The following GRAMD1B variants were observed in gnomAD, a reference collection of about 807,000 sequenced individuals.
The protein encoded by GRAMD1B is GRAM domain containing 1B, also known as protein Aster-B.
A neutral mutation model predicts 99.7 loss-of-function variants in GRAMD1B; 37 were observed. The observed-to-expected ratio is 0.37, with a 90% CI of 0.29 to 0.49. GRAMD1B has a LOEUF of 0.49. Among genes scored for constraint, GRAMD1B ranks in the 20% least tolerant of loss-of-function variants. The probability of loss-of-function intolerance (pLI) is 0.98; values close to 1 mark genes in which losing one functional copy is unlikely to be tolerated. For missense variants in GRAMD1B, 888 were observed against 1,009.2 expected, an observed-to-expected ratio of 0.88 and a Z score of 1.63; for synonymous variants, 427 against 387.6, an observed-to-expected ratio of 1.10 and a Z score of -1.19.
Position 123,542,757 on chromosome 11 carries a change from ATTC to A in GRAMD1B, c.453-34605_453-34603del, listed in dbSNP as rs201046766. 1.0e-2 allele frequency among the ~76,000 whole-genome samples: 1,521 copies of A among 152,218 alleles called. 29 individuals are homozygous for A. The highest frequency in any genetic ancestry group is 0.049 in the East Asian group (252 of 5,170). ...AACCTCCGCCTCCTGGGTTCAAGCA[ATTC>A]TTCTGCTTCAGCCTCCCGAGTAGCT... On this transcript the variant is annotated intron_variant, in intron 2 of 19. Coordinates refer to ENST00000635736, the MANE Select transcript of GRAMD1B (RefSeq NM_001387025.1).
At chr11:123,472,075 C>T (rs1951041765) in intron 1 of GRAMD1B, among the ~76,000 whole-genome samples, 1 of 151,952 alleles carries the variant, frequency 6.6e-6, no homozygotes, top group South Asian at 2.1e-4. Flanking sequence ...CAAGACAAGC[C>T]TGGCCAACAT....
Position 123,497,855 on chromosome 11 carries a change from T to C in GRAMD1B, c.452+16962T>C, listed in dbSNP as rs187288342. Among the ~76,000 whole-genome samples the C allele has an allele frequency of 3.0e-3, 451 of 148,692 alleles. 2 individuals are homozygous for C. Among genetic ancestry groups the C allele is most frequent in the African/African-American group, 0.011 (438 of 40,004 alleles). The stretch of plus-strand genomic sequence containing the variant: ...GGCAGAGGTTGCAGTGAGCCAAGAT[T>C]TCGCCACCACTCCCCAGCCTGGGCG... On this transcript the variant is annotated intron_variant, in intron 2 of 19. Coordinates refer to ENST00000635736, the MANE Select transcript of GRAMD1B (RefSeq NM_001387025.1).
At chr11:123,469,447 C>G (rs995706032) in intron 1 of GRAMD1B, among the ~76,000 whole-genome samples, 1 of 151,928 alleles carries the variant, frequency 6.6e-6, no homozygotes, top group African/African-American at 2.4e-5. Context: ...GAATGGAAGG[C>G]GGATGGATTC....
chr11:123,399,702 C>T (rs190052646), intron 1 of GRAMD1B, among the ~76,000 whole-genome samples: 39 of 152,210 alleles, frequency 2.6e-4, no homozygotes, highest in Admixed American at 1.6e-3. Context: ...CTCCGTCTCC[C>T]GAGTTCAAGC....
chr11:123,525,938 G>A (rs1190193857), intron 2 of GRAMD1B: 11 of 587,806 alleles, frequency 1.9e-5, no homozygotes, highest in Non-Finnish European at 3.4e-5. Context: ...TCCAAGCCCA[G>A]CTTTCAGCTG....
chr11:123,364,344 A>G (rs1946246901), intron 1 of GRAMD1B, among the ~76,000 whole-genome samples: 2 of 152,232 alleles, frequency 1.3e-5, no homozygotes, highest in South Asian at 2.1e-4. Flanking sequence ...TGCAGTGACT[A>G]TAAAAAGGTA....
chr11:123,380,539 C>T (rs1946836156), intron 1 of GRAMD1B, among the ~76,000 whole-genome samples: 2 of 152,158 alleles, frequency 1.3e-5, no homozygotes, highest in Non-Finnish European at 2.9e-5. Flanking sequence ...TTTATTATGA[C>T]TTTCATTAAG....
At chr11:123,402,591 C>T (rs1281306826) in intron 1 of GRAMD1B, among the ~76,000 whole-genome samples, 2 of 152,178 alleles carry the variant, frequency 1.3e-5, no homozygotes, top group Non-Finnish European at 2.9e-5. Flanking sequence ...CCCAGCATCA[C>T]AGTAAGTGAC....
chr11:123,381,019 AT>A (rs1420758775), intron 1 of GRAMD1B, among the ~76,000 whole-genome samples: 1 of 152,036 alleles, frequency 6.6e-6, no homozygotes, highest in Non-Finnish European at 1.5e-5. Context: ...GATAGAACTC[AT>A]AAGGTTTCCA....
At chr11:123,497,900 C>CA (rs34168499) in intron 2 of GRAMD1B, among the ~76,000 whole-genome samples, 5,147 of 110,208 alleles carry the variant, frequency 0.047, 286 homozygotes, top group African/African-American at 0.13. Flanking sequence ...GAATCTGTCT[C>CA]AAAAAAAAAA....
intron 5 of GRAMD1B, 123 bp downstream of exon 5, chr11:123,594,289 G>T (rs1288743773): frequency 3.3e-5 from 24 of 720,376 alleles, no homozygotes; most frequent in Admixed American, 1.0e-4. Flanking sequence ...AGGGAGAGAG[G>T]CTGTCCAGAC....
chr11:123,505,163 C>T (rs747544318), intron 2 of GRAMD1B, among the ~76,000 whole-genome samples: 10 of 151,220 alleles, frequency 6.6e-5, no homozygotes, highest in Admixed American at 2.0e-4. Context: ...TAGTGACTGT[C>T]TCACCTCTCT....
intron 2 of GRAMD1B, among the ~76,000 whole-genome samples, chr11:123,512,313 T>C (rs1591765496): frequency 6.6e-6 from 1 of 152,228 alleles, no homozygotes; most frequent in African/African-American, 2.4e-5. Context: ...TGGTTTGTTA[T>C]CAACCAGCTG....
At chr11:123,484,889 C>T (rs879435374) in intron 2 of GRAMD1B, among the ~76,000 whole-genome samples, 13 of 152,154 alleles carry the variant, frequency 8.5e-5, no homozygotes, top group Non-Finnish European at 7.4e-5. Context: ...GTGTTTAGGA[C>T]GTTGATCTGT....
chr11:123,613,050 T>C, intron 15 of GRAMD1B, 186 bp downstream of exon 15: 1 of 591,330 alleles, frequency 1.7e-6, no homozygotes, highest in Non-Finnish European at 3.0e-6. Flanking sequence ...GACAAGTGCA[T>C]TTTTCTAGAC....
intron 2 of GRAMD1B, among the ~76,000 whole-genome samples, chr11:123,494,610 C>T (rs1939006835): frequency 6.6e-6 from 1 of 152,150 alleles, no homozygotes; most frequent in African/African-American, 2.4e-5. Flanking sequence ...CTCTGTTTCT[C>T]CTACTCTAGC....
At chr11:123,516,423 A>G (rs1176184210) in intron 2 of GRAMD1B, among the ~76,000 whole-genome samples, 1 of 152,228 alleles carries the variant, frequency 6.6e-6, no homozygotes, top group Non-Finnish European at 1.5e-5. Context: ...TTAAAGTCGA[A>G]CTCATTAGAT....
At chr11:123,456,932 A>G (rs184447740) in intron 1 of GRAMD1B, among the ~76,000 whole-genome samples, 2,963 of 149,296 alleles carry the variant, frequency 0.02, 51 homozygotes, top group Non-Finnish European at 0.033. Context: ...AAAAAAAAAA[A>G]AAAAAGAAAA....
At position 123,618,772 on chromosome 11, in the gene GRAMD1B, G is replaced by T; in HGVS notation, c.2398G>T (p.Ala800Ser). 1 of 1,571,106 alleles carries T rather than the reference G, an allele frequency of 6.4e-7. No individual in the cohort carries two copies. Residue 800 changes from alanine (A) to serine (S), a missense_variant, in exon 18 of 20, where the codon GCC becomes TCC. Transcript: ENST00000635736. ...GGAATACACCACGCAGACCCTCACT[G>T]CCTGGCAGGGTCTAAGGCTCCAAGA... ...MLEYTTQTLT[A>S]WQGLRLQERL...
Sources: gnomAD v4.1 joint callset for allele counts (sites outside exome capture counted in the v4.1 genomes callset) on GRCh38, gnomAD v4.1.1 for gene constraint, MANE v1.5 for transcripts, NCBI Gene and HGNC (gene_info 2026-07-23, HGNC 2026-07-21) for gene names.